The following CEP128 variants were observed in gnomAD, a reference collection of about 807,000 sequenced individuals.
The protein encoded by CEP128 is centrosomal protein 128, also known as centrosomal protein 128kDa.
A neutral mutation model predicts 156.7 loss-of-function variants in CEP128; 132 were observed. The observed-to-expected ratio is 0.84, with a 90% CI of 0.73 to 0.97. The LOEUF (loss-of-function observed/expected upper bound fraction) is 0.97. Ranked by LOEUF, CEP128 falls within the 50% of genes least tolerant of loss-of-function variation. The pLI is 0.00. For synonymous variants in CEP128, 469 were observed against 448.9 expected (o/e 1.04, Z -0.57); for missense variants, 1,252 against 1,281.9 (o/e 0.98, Z 0.36).
chr14:80,689,284 C>G (rs1896632243), intron 19 of CEP128, among the ~76,000 whole-genome samples: 1 of 97,070 alleles, frequency 1.0e-5, no homozygotes, highest in Non-Finnish European at 1.9e-5. Flanking sequence ...CAGCGAGACT[C>G]CGTCTCAAAA....
At chr14:80,650,031 A>G (rs555961190) in intron 19 of CEP128, among the ~76,000 whole-genome samples, 51 of 152,152 alleles carry the variant, frequency 3.4e-4, no homozygotes, top group Admixed American at 6.5e-4. Context: ...CATGATATTG[A>G]TTCTTCCTAT....
chr14:80,770,738 G>A (rs1051132093), intron 16 of CEP128, among the ~76,000 whole-genome samples: 1 of 151,724 alleles, frequency 6.6e-6, no homozygotes, highest in Non-Finnish European at 1.5e-5. Flanking sequence ...AATGTGTGGT[G>A]ACTACAACTT....
chr14:80,736,878 G>A lies in CEP128; in HGVS notation c.2806+6197C>T, dbSNP rs1186019598. ...TGTGTATAGCATCCCTAGGCATATCGTTAATTTAATTCTGGTTCTAGGAAT... is the reference window on the plus strand; with the variant it reads ...TGTGTATAGCATCCCTAGGCATATCATTAATTTAATTCTGGTTCTAGGAAT... On this transcript the variant is annotated intron_variant, in intron 19 of 24. Coordinates refer to ENST00000555265, the MANE Select transcript of CEP128 (RefSeq NM_152446.5). Among the ~76,000 whole-genome samples, 3 of 152,126 alleles carry A rather than the reference G, an allele frequency of 2.0e-5. No homozygotes were observed. In the South Asian group the frequency reaches 6.2e-4, roughly 31 times the overall value.
intron 19 of CEP128, among the ~76,000 whole-genome samples, chr14:80,627,887 A>G (rs184974492): frequency 1.1e-3 from 164 of 152,200 alleles, no homozygotes; most frequent in African/African-American, 3.9e-3. Context: ...ATAAAATGAA[A>G]GTCCCATACC....
intron 19 of CEP128, among the ~76,000 whole-genome samples, chr14:80,722,322 T>C (rs892287851): frequency 2.6e-5 from 4 of 152,080 alleles, no homozygotes; most frequent in Admixed American, 6.6e-5. Context: ...ATCATAAGTA[T>C]TTTCTGATGC....
At chr14:80,768,996 A>C (rs781505247) in intron 16 of CEP128, among the ~76,000 whole-genome samples, 7 of 152,194 alleles carry the variant, frequency 4.6e-5, no homozygotes, top group Non-Finnish European at 7.3e-5. Context: ...TTCTTATTAC[A>C]TATTTCTCTC....
chr14:80,803,926 T>C (rs546934277), intron 13 of CEP128, among the ~76,000 whole-genome samples: 1 of 152,144 alleles, frequency 6.6e-6, no homozygotes, highest in African/African-American at 2.4e-5. Context: ...TTATTAATGT[T>C]TATACTAGCT....
chr14:80,825,664 T>A (rs1043933852), intron 13 of CEP128, among the ~76,000 whole-genome samples: 14 of 152,208 alleles, frequency 9.2e-5, no homozygotes, highest in Admixed American at 2.0e-4. Context: ...CCACTTCTGC[T>A]TTCTGCAACT....
chr14:80,738,659 G>A (rs1192140345), intron 19 of CEP128, among the ~76,000 whole-genome samples: 11 of 151,928 alleles, frequency 7.2e-5, no homozygotes, highest in Admixed American at 5.2e-4. Flanking sequence ...GATCACATTC[G>A]AGTAACTTTT....
chr14:80,517,380 G>T (rs1199252668), intron 23 of CEP128, among the ~76,000 whole-genome samples: 1 of 151,852 alleles, frequency 6.6e-6, no homozygotes, highest in African/African-American at 2.4e-5. Flanking sequence ...CTCCCTCTGA[G>T]CACTTTTTAG....
At chr14:80,749,259 C>T (rs187438461) in intron 18 of CEP128, among the ~76,000 whole-genome samples, 85 of 152,320 alleles carry the variant, frequency 5.6e-4, no homozygotes, top group African/African-American at 1.9e-3. Flanking sequence ...AGCTACCATA[C>T]AATCCAGCAA....
chr14:80,545,787 C>T (rs1054442119), intron 21 of CEP128, among the ~76,000 whole-genome samples: 1 of 152,102 alleles, frequency 6.6e-6, no homozygotes, highest in Admixed American at 6.6e-5. Flanking sequence ...CAGAGTAACA[C>T]CAGGTTTTAG....
At chr14:80,527,493 A>G (rs1199916685) in intron 22 of CEP128, among the ~76,000 whole-genome samples, 1 of 152,114 alleles carries the variant, frequency 6.6e-6, no homozygotes, top group Non-Finnish European at 1.5e-5. Flanking sequence ...AACCATAAAA[A>G]TACAATGCAT....
rs1883805182 is a variant in CEP128 at position 80,905,030 on chromosome 14, T to C, written c.362-99A>G. 1.2e-5 allele frequency: 9 copies of C among 736,138 alleles called. No homozygotes were observed. The South Asian group carries it at 1.3e-4, about 10-fold the overall frequency. 45.6% of individuals were successfully genotyped at this position (736,138 alleles called of 1,614,324 possible). On this transcript the variant is annotated intron_variant, in intron 5 of 24. Transcript: ENST00000555265. ...CAAACATGGCAGACATGGATATACA[T>C]ATATTCATGTCCCTAACCCAGACTA... is the stretch of plus-strand genomic sequence containing the variant.
intron 19 of CEP128, among the ~76,000 whole-genome samples, chr14:80,660,152 TCTTTA>T (rs749878268): frequency 6.6e-6 from 1 of 152,152 alleles, no homozygotes; most frequent in Admixed American, 6.5e-5. Flanking sequence ...CCTCTTCCTT[TCTTTA>T]CCCATATACT....
intron 19 of CEP128, among the ~76,000 whole-genome samples, chr14:80,689,346 T>C (rs116751569): frequency 0.076 from 11,136 of 146,542 alleles, 573 homozygotes; most frequent in South Asian, 0.24. Flanking sequence ...AAGGAGCTTA[T>C]AGTCTAAATA....
chr14:80,915,507 A>C (rs1305848268), intron 3 of CEP128, among the ~76,000 whole-genome samples: 1 of 152,220 alleles, frequency 6.6e-6, no homozygotes, highest in Non-Finnish European at 1.5e-5. Context: ...GAAATACCTT[A>C]TATTTCTGAG....
chr14:80,888,227 T>C (rs112400637), intron 8 of CEP128, among the ~76,000 whole-genome samples: 3 of 152,308 alleles, frequency 2.0e-5, no homozygotes, highest in African/African-American at 7.2e-5. Context: ...TCATTCCTTC[T>C]GAAACTATTC....
intron 8 of CEP128, among the ~76,000 whole-genome samples, chr14:80,880,225 C>G (rs913264758): frequency 1.3e-5 from 2 of 151,742 alleles, no homozygotes; most frequent in African/African-American, 4.8e-5. Context: ...AGATAAAAAC[C>G]ACATTATAAT....
Sources: gnomAD v4.1 joint callset for allele counts (sites outside exome capture counted in the v4.1 genomes callset) on GRCh38, gnomAD v4.1.1 for gene constraint, MANE v1.5 for transcripts, NCBI Gene and HGNC (gene_info 2026-07-23, HGNC 2026-07-21) for gene names.